GOLM2: variants seen among roughly 807,000 people sequenced by gnomAD.
GOLM2 encodes protein GOLM2.
GOLM2 carries 26 observed loss-of-function variants against 55.9 expected under a neutral mutation model. That is an observed-to-expected ratio of 0.47 (90% CI 0.34 to 0.65). The LOEUF (loss-of-function observed/expected upper bound fraction) is 0.65, where lower values mean the gene tolerates loss of function less well. Among genes scored for constraint, GOLM2 ranks in the 30% least tolerant of loss-of-function variants. The pLI, the probability that GOLM2 is intolerant of heterozygous loss-of-function variation, is 0.01. For missense variants in GOLM2, 486 were observed against 531.8 expected (o/e 0.91, Z 0.85); for synonymous variants, 165 against 194.6 (o/e 0.85, Z 1.27).
intron 8 of GOLM2, among the ~76,000 whole-genome samples, chr15:44,395,012 ACTT>A (rs1445492812): frequency 6.6e-6 from 1 of 150,940 alleles, no homozygotes; most frequent in African/African-American, 2.4e-5. Flanking sequence ...AAAAATATAA[ACTT>A]TTTTTTTTTT....
At chr15:44,381,928 C>T (rs2079406164) in intron 8 of GOLM2, among the ~76,000 whole-genome samples, 1 of 152,148 alleles carries the variant, frequency 6.6e-6, no homozygotes, top group South Asian at 2.1e-4. Context: ...GCTGGGATTA[C>T]AGGCGTGATT....
At chr15:44,320,091 C>G (rs2078939031) in intron 1 of GOLM2, among the ~76,000 whole-genome samples, 1 of 152,162 alleles carries the variant, frequency 6.6e-6, no homozygotes, top group Non-Finnish European at 1.5e-5. Context: ...CCTTCCTGCC[C>G]CCAGCCCCTG....
intron 9 of GOLM2, among the ~76,000 whole-genome samples, chr15:44,410,301 C>T (rs28634228): frequency 6.6e-6 from 1 of 152,048 alleles, no homozygotes. Context: ...ATTAGCTGGG[C>T]GTGGTGGCGG....
intron 6 of GOLM2, among the ~76,000 whole-genome samples, chr15:44,345,330 T>G (rs1322833546): frequency 6.6e-6 from 1 of 151,326 alleles, no homozygotes; most frequent in African/African-American, 2.4e-5. Flanking sequence ...TGGAGTGCAG[T>G]GGCACGATCT....
chr15:44,361,273 G>T lies in GOLM2; in HGVS notation c.803-18417G>T, dbSNP rs529820000. 7.2e-5 allele frequency among the ~76,000 whole-genome samples: 11 copies of T among 152,160 alleles called. No individual in the cohort carries two copies. The East Asian group carries it at 9.6e-4, about 13-fold the overall frequency. On this transcript the variant is annotated intron_variant, in intron 6 of 9. Transcript: ENST00000299957. ...AATTAATGAATCGAGCTGGTTTTTT[G>T]AAAAGATCAACAAGCTAGACCGCTA...
intron 6 of GOLM2, among the ~76,000 whole-genome samples, chr15:44,366,276 A>G (rs1365810664): frequency 2.7e-5 from 4 of 150,166 alleles, no homozygotes; most frequent in Admixed American, 2.7e-4. Flanking sequence ...CAGCCTGGGC[A>G]ACAGAGCGAG....
chr15:44,302,235 C>G (rs1333712857), intron 1 of GOLM2, among the ~76,000 whole-genome samples: 1 of 150,562 alleles, frequency 6.6e-6, no homozygotes, highest in Non-Finnish European at 1.5e-5. Flanking sequence ...ACCTCTGTCT[C>G]ATGGGTTCAA....
chr15:44,380,719 T>C, intron 7 of GOLM2, 87 bp from the exon 8 acceptor site: 3 of 1,014,584 alleles, frequency 3.0e-6, no homozygotes, highest in Non-Finnish European at 3.9e-6. Context: ...TAGTGTGTCT[T>C]AGCTTTCTAA....
intron 1 of GOLM2, among the ~76,000 whole-genome samples, chr15:44,318,638 C>T (rs991421170): frequency 1.3e-5 from 2 of 149,986 alleles, no homozygotes; most frequent in African/African-American, 4.9e-5. Flanking sequence ...GAACCTGGGA[C>T]GTGGAGGTTG....
chr15:44,395,105 G>C (rs1219158459), intron 8 of GOLM2, among the ~76,000 whole-genome samples: 6 of 151,424 alleles, frequency 4.0e-5, no homozygotes, highest in African/African-American at 1.5e-4. Flanking sequence ...CACCTCCCAG[G>C]TTCACGCCAT....
intron 9 of GOLM2, among the ~76,000 whole-genome samples, chr15:44,407,181 A>G (rs191921629): frequency 0.01 from 1,477 of 146,436 alleles, 30 homozygotes; most frequent in African/African-American, 0.035. Flanking sequence ...TATTTATAAC[A>G]TATTTCTATT....
At chr15:44,318,099 C>T (rs999071370) in intron 1 of GOLM2, among the ~76,000 whole-genome samples, 2 of 152,224 alleles carry the variant, frequency 1.3e-5, no homozygotes, top group African/African-American at 4.8e-5. Context: ...AAAGCAGCCA[C>T]ATACAATATG....
intron 1 of GOLM2, chr15:44,308,609 C>CT (rs879939852): frequency 1.4e-4 from 21 of 148,472 alleles, no homozygotes; most frequent in East Asian, 3.9e-4. Flanking sequence ...CTATATTTAA[C>CT]TTTTTTTTTT....
At chr15:44,328,181 A>G (rs1181329166) in intron 2 of GOLM2, among the ~76,000 whole-genome samples, 1 of 152,204 alleles carries the variant, frequency 6.6e-6, no homozygotes, top group African/African-American at 2.4e-5. Context: ...TATATTTTTT[A>G]AAAAATAAAT....
At chr15:44,342,148 C>T (rs1001417674) in intron 6 of GOLM2, among the ~76,000 whole-genome samples, 1 of 151,990 alleles carries the variant, frequency 6.6e-6, no homozygotes, top group Non-Finnish European at 1.5e-5. Flanking sequence ...CGTGTATTAA[C>T]ATTTTGTGTA....
chr15:44,333,064 C>A (rs2079032858), intron 4 of GOLM2, among the ~76,000 whole-genome samples: 1 of 152,114 alleles, frequency 6.6e-6, no homozygotes, highest in Non-Finnish European at 1.5e-5. Context: ...TCCCGAGTAG[C>A]TCGGACTACA....
intron 6 of GOLM2, among the ~76,000 whole-genome samples, chr15:44,359,865 T>G (rs1283509882): frequency 6.6e-6 from 1 of 152,086 alleles, no homozygotes; most frequent in East Asian, 1.9e-4. Context: ...CGGGAGAAAC[T>G]CGATAAGCCA....
chr15:44,317,624 C>A (rs983554737), intron 1 of GOLM2, among the ~76,000 whole-genome samples: 1 of 152,102 alleles, frequency 6.6e-6, no homozygotes, highest in African/African-American at 2.4e-5. Flanking sequence ...CCTCAGTGAT[C>A]TCATTCCTAT....
chr15:44,373,818 T>A (rs892357515), intron 6 of GOLM2, among the ~76,000 whole-genome samples: 3 of 151,978 alleles, frequency 2.0e-5, no homozygotes, highest in Non-Finnish European at 4.4e-5. Context: ...ATTATCCAAT[T>A]GGCTGGGTGC....
Sources: gnomAD v4.1 joint callset for allele counts (sites outside exome capture counted in the v4.1 genomes callset) on GRCh38, gnomAD v4.1.1 for gene constraint, MANE v1.5 for transcripts, NCBI Gene and HGNC (gene_info 2026-07-23, HGNC 2026-07-21) for gene names.